SAMTOR: variants seen among roughly 807,000 people sequenced by gnomAD.
The protein encoded by SAMTOR is S-adenosylmethionine sensor upstream of mTORC1, also known as UPF0532 protein C7orf60.
chr7:112,903,925 T>C, the SAMTOR span, among the ~76,000 whole-genome samples: 1 of 152,080 alleles, frequency 6.6e-6, no homozygotes, highest in Non-Finnish European at 1.5e-5. Flanking sequence ...TAAGAAATGT[T>C]GGTGAAGAAG....
chr7:112,865,518 C>T, the SAMTOR span, among the ~76,000 whole-genome samples: 32 of 151,736 alleles, frequency 2.1e-4, no homozygotes, highest in African/African-American at 7.2e-4. Context: ...ACTTGTGATC[C>T]GCCCGCCTAG....
the SAMTOR span, among the ~76,000 whole-genome samples, chr7:112,833,713 C>G: frequency 6.6e-6 from 1 of 152,180 alleles, no homozygotes. Flanking sequence ...GTTACTTCAA[C>G]ATTATGGAAC....
the SAMTOR span, among the ~76,000 whole-genome samples, chr7:112,842,451 T>G: frequency 1.3e-5 from 2 of 152,076 alleles, no homozygotes; most frequent in South Asian, 4.1e-4. Context: ...AGCTTTGTGC[T>G]TTGCTTACTT....
the SAMTOR span, among the ~76,000 whole-genome samples, chr7:112,934,467 G>T: frequency 6.6e-6 from 1 of 152,154 alleles, no homozygotes; most frequent in Admixed American, 6.5e-5. Flanking sequence ...TCCCGGGAAA[G>T]AAATATTGGC....
At chr7:112,929,656 A>T in the SAMTOR span, among the ~76,000 whole-genome samples, 1 of 152,194 alleles carries the variant, frequency 6.6e-6, no homozygotes, top group Non-Finnish European at 1.5e-5. Flanking sequence ...CATTACTCAC[A>T]ATAGCTAAGA....
At chr7:112,911,316 G>A in the SAMTOR span, among the ~76,000 whole-genome samples, 2 of 152,080 alleles carry the variant, frequency 1.3e-5, no homozygotes, top group Non-Finnish European at 2.9e-5. Flanking sequence ...TCACAGAACA[G>A]GATTCATTCA....
the SAMTOR span, among the ~76,000 whole-genome samples, chr7:112,920,618 G>C: frequency 6.8e-6 from 1 of 146,776 alleles, no homozygotes; most frequent in African/African-American, 2.5e-5. Context: ...GGCAGGAGAA[G>C]GAAATAAAGG....
the SAMTOR span, among the ~76,000 whole-genome samples, chr7:112,925,504 T>C: frequency 7.9e-5 from 12 of 152,206 alleles, no homozygotes; most frequent in African/African-American, 2.9e-4. Flanking sequence ...CTAAAGAATG[T>C]ACAACTTGGT....
chr7:112,919,738 T>A, the SAMTOR span, among the ~76,000 whole-genome samples: 5 of 151,122 alleles, frequency 3.3e-5, no homozygotes, highest in Non-Finnish European at 7.4e-5. Flanking sequence ...AAGAATCAAA[T>A]AGACGCAATA....
At chr7:112,917,528 A>C in the SAMTOR span, among the ~76,000 whole-genome samples, 1 of 152,214 alleles carries the variant, frequency 6.6e-6, no homozygotes, top group African/African-American at 2.4e-5. Context: ...GGAAACTCTA[A>C]AAAGCAGAGC....
chr7:112,916,052 T>G, the SAMTOR span, among the ~76,000 whole-genome samples: 2 of 152,234 alleles, frequency 1.3e-5, no homozygotes, highest in African/African-American at 4.8e-5. Flanking sequence ...CTAGGCATAA[T>G]GTAGTTTAAA....
At chr7:112,874,554 C>G in the SAMTOR span, among the ~76,000 whole-genome samples, 1 of 152,088 alleles carries the variant, frequency 6.6e-6, no homozygotes, top group Admixed American at 6.5e-5. Context: ...TATTCACTAT[C>G]TGAGTGATGG....
At chr7:112,897,134 CAG>C in the SAMTOR span, among the ~76,000 whole-genome samples, 2 of 152,118 alleles carry the variant, frequency 1.3e-5, no homozygotes, top group South Asian at 2.1e-4. Flanking sequence ...AATCTAATGA[CAG>C]AGAGCAGTTT....
the SAMTOR span, among the ~76,000 whole-genome samples, chr7:112,878,711 G>C: frequency 6.6e-6 from 1 of 152,122 alleles, no homozygotes; most frequent in Non-Finnish European, 1.5e-5. Flanking sequence ...GAGTTATACA[G>C]TTAAAAATGT....
chr7:112,916,634 G>C, the SAMTOR span, among the ~76,000 whole-genome samples: 2 of 152,174 alleles, frequency 1.3e-5, no homozygotes, highest in Non-Finnish European at 2.9e-5. Flanking sequence ...CCGAAGTGGG[G>C]CGAGGCACTG....
At chr7:112,837,781 T>C in the SAMTOR span, among the ~76,000 whole-genome samples, 4 of 152,084 alleles carry the variant, frequency 2.6e-5, no homozygotes, top group South Asian at 2.1e-4. Flanking sequence ...ATGGCTCTTA[T>C]GGAAACTACA....
At chr7:112,890,678 C>T in the SAMTOR span, among the ~76,000 whole-genome samples, 1 of 150,360 alleles carries the variant, frequency 6.7e-6, no homozygotes, top group Non-Finnish European at 1.5e-5. Flanking sequence ...TACATATATA[C>T]ATATATATGA....
the SAMTOR span, among the ~76,000 whole-genome samples, chr7:112,912,216 A>C: frequency 2.6e-5 from 4 of 151,998 alleles, no homozygotes; most frequent in Non-Finnish European, 5.9e-5. Context: ...ATAAAATGTA[A>C]TGTTATCTGT....
At chr7:112,904,817 A>C in the SAMTOR span, among the ~76,000 whole-genome samples, 11 of 152,200 alleles carry the variant, frequency 7.2e-5, no homozygotes, top group African/African-American at 2.7e-4. Context: ...AAAAAGCACC[A>C]GTACAAGCCT....
Sources: gnomAD v4.1 joint callset for allele counts (sites outside exome capture counted in the v4.1 genomes callset) on GRCh38, gnomAD v4.1.1 for gene constraint, MANE v1.5 for transcripts, NCBI Gene and HGNC (gene_info 2026-07-23, HGNC 2026-07-21) for gene names.